Variants in HECW1 observed in about 807,000 individuals in gnomAD.
The protein encoded by HECW1 is HECT, C2 and WW domain containing E3 ubiquitin protein ligase 1, also known as E3 ubiquitin-protein ligase HECW1.
A neutral mutation model predicts 182.3 loss-of-function variants in HECW1; 61 were observed. The observed-to-expected ratio is 0.33, with a 90% CI of 0.27 to 0.41. HECW1 has a LOEUF of 0.41. Ranked by LOEUF, HECW1 falls within the 10% of genes least tolerant of loss-of-function variation. HECW1 has a pLI of 1.00. For missense variants in HECW1, 1,739 were observed against 2,108.9 expected (o/e 0.82, Z 3.44); for synonymous variants, 859 against 832.6 (o/e 1.03, Z -0.55).
chr7:43,405,187 G>A (rs911828334), intron 7 of HECW1, among the ~76,000 whole-genome samples: 3 of 152,128 alleles, frequency 2.0e-5, no homozygotes. Flanking sequence ...CCAGAATTTA[G>A]TAGATAACAA....
chr7:43,441,170 T>C (rs1318747986), intron 9 of HECW1, among the ~76,000 whole-genome samples: 1 of 152,224 alleles, frequency 6.6e-6, no homozygotes, highest in Non-Finnish European at 1.5e-5. Context: ...AATGAAAATA[T>C]AATAGCAAAG....
chr7:43,350,696 C>T (rs1473672714), intron 5 of HECW1, among the ~76,000 whole-genome samples: 1 of 152,150 alleles, frequency 6.6e-6, no homozygotes. Context: ...AAAAGTGTGT[C>T]CAAAGTTTCC....
chr7:43,233,495 G>C (rs1311674691), intron 2 of HECW1, among the ~76,000 whole-genome samples: 1 of 152,190 alleles, frequency 6.6e-6, no homozygotes, highest in Non-Finnish European at 1.5e-5. Context: ...TGGAAAAGGT[G>C]GTGGTGCAGT....
chr7:43,434,707 G>C (rs974631805), intron 8 of HECW1, among the ~76,000 whole-genome samples: 9 of 152,108 alleles, frequency 5.9e-5, no homozygotes, highest in African/African-American at 2.2e-4. Context: ...TGGGGAGAGA[G>C]GTTGATGTCT....
chr7:43,530,940 A>T lies in HECW1; in HGVS notation c.4020-10223A>T, dbSNP rs974073066. ...ACAAGCATGTCACTCCCCTGTTTAA[A>T]CCTGTCAATGGGTTCTCATCGTCTA... is the stretch of plus-strand genomic sequence containing the variant. On this transcript the variant is annotated intron_variant, in intron 24 of 29. Transcript: ENST00000395891. Among the ~76,000 whole-genome samples, 6 of 152,246 alleles carry T rather than the reference A, an allele frequency of 3.9e-5. No individual in the cohort carries two copies. The East Asian group carries it at 9.7e-4, about 24-fold the overall frequency.
At chr7:43,248,491 C>G (rs1045735140) in intron 3 of HECW1, 4 of 152,254 alleles carry the variant, frequency 2.6e-5, no homozygotes, top group African/African-American at 9.7e-5. Context: ...TAAACTTCCA[C>G]TAATCTCCGG....
chr7:43,457,054 T>C (rs1326267163), intron 13 of HECW1, among the ~76,000 whole-genome samples: 1 of 152,230 alleles, frequency 6.6e-6, no homozygotes, highest in Non-Finnish European at 1.5e-5. Context: ...TTTTTGAGAA[T>C]TATTTTGTTG....
At position 43,320,645 on chromosome 7, in the gene HECW1, G is replaced by C. The variant is rs1469946077; in HGVS notation, c.363G>C (p.Leu121Phe). ...WIGMYLIDEV[L>F]SENFLDYKNR... ...CCTCTGGGAATATAGATGAGGTCTT[G>C]TCCGAAAACTTTCTGGACTATAAAA... Residue 121 changes from leucine to phenylalanine, a missense_variant, in exon 5 of 30, where the codon TTG becomes TTC. Physicochemically the swap from Leu to Phe is conservative, Grantham distance 22 (BLOSUM62 0). Transcript: ENST00000395891. The C allele has an allele frequency of 6.2e-7, 1 of 1,612,910 alleles. No homozygotes were observed. Among genetic ancestry groups the C allele is most frequent in the Non-Finnish European group, 8.5e-7 (1 of 1,179,036 alleles).
chr7:43,520,741 C>T lies in HECW1; in HGVS notation c.4019+11620C>T, dbSNP rs560396430. On this transcript the variant is annotated intron_variant, in intron 24 of 29. Transcript: ENST00000395891. ...AACAGACGAAAGTGAAGCCTTGCCTCTGGCAAGGAGGGGTGCCTGGTTCAC... is the reference window on the plus strand; with the variant it reads ...AACAGACGAAAGTGAAGCCTTGCCTTTGGCAAGGAGGGGTGCCTGGTTCAC... 2.6e-5 allele frequency among the ~76,000 whole-genome samples: 4 copies of T among 152,156 alleles called. No individual in the cohort carries two copies. In the South Asian group the frequency reaches 8.3e-4, roughly 32 times the overall value.
rs542692210 is a variant in HECW1 at position 43,378,650 on chromosome 7, C to CA, written c.555+17676dup. Among the ~76,000 whole-genome samples the CA allele has an allele frequency of 5.3e-5, 8 of 151,994 alleles. No individual in the cohort carries two copies. The East Asian group carries it at 1.6e-3, about 29-fold the overall frequency. On this transcript the variant is annotated intron_variant, in intron 6 of 29. Transcript: ENST00000395891. ...TGAAACCCCATTTCTACTAAAAATA[C>CA]AAAAAATTAGCTGAGTGTGGTGGTG...
intron 2 of HECW1, among the ~76,000 whole-genome samples, chr7:43,197,679 G>T (rs990124332): frequency 3.3e-5 from 5 of 152,180 alleles, no homozygotes; most frequent in Non-Finnish European, 7.3e-5. Flanking sequence ...TGCCCACTGG[G>T]AGAGGAGCGG....
At chr7:43,220,331 A>C (rs1371515664) in intron 2 of HECW1, among the ~76,000 whole-genome samples, 1 of 152,150 alleles carries the variant, frequency 6.6e-6, no homozygotes, top group East Asian at 1.9e-4. Flanking sequence ...CCCAGCACAG[A>C]GTATTGCCAG....
In HECW1 at chr7:43,533,718, C is replaced by T. The variant is rs1160057211; in HGVS notation, c.4020-7445C>T. Among the ~76,000 whole-genome samples, 6 of 152,308 alleles carry T rather than the reference C, an allele frequency of 3.9e-5. No individual in the cohort carries two copies. In the East Asian group the frequency reaches 1.2e-3, roughly 29 times the overall value. On this transcript the variant is annotated intron_variant, in intron 24 of 29. Coordinates refer to ENST00000395891, the MANE Select transcript of HECW1 (RefSeq NM_015052.5). Reference sequence around the variant, plus strand: ...GTTCCTGCATCTGCCTCAGCCCCCACCTCCTCACCAAAGGCACAAGAGCCA... The same window carrying T: ...GTTCCTGCATCTGCCTCAGCCCCCATCTCCTCACCAAAGGCACAAGAGCCA...
intron 2 of HECW1, among the ~76,000 whole-genome samples, chr7:43,154,828 T>C (rs908460700): frequency 6.6e-6 from 1 of 152,222 alleles, no homozygotes; most frequent in Non-Finnish European, 1.5e-5. Context: ...GAAATAGGTA[T>C]AATTTTCTGG....
intron 5 of HECW1, among the ~76,000 whole-genome samples, chr7:43,355,945 C>T (rs1168170725): frequency 2.6e-5 from 4 of 152,030 alleles, no homozygotes; most frequent in East Asian, 1.9e-4. Context: ...GCCAAGATTG[C>T]GCCACTGCAT....
chr7:43,351,506 C>T (rs1245669776), intron 5 of HECW1, among the ~76,000 whole-genome samples: 1 of 152,024 alleles, frequency 6.6e-6, no homozygotes, highest in African/African-American at 2.4e-5. Context: ...CTAGACGTGT[C>T]TGAGCTCAGA....
chr7:43,375,105 C>G (rs747660799), intron 6 of HECW1, among the ~76,000 whole-genome samples: 3 of 152,034 alleles, frequency 2.0e-5, no homozygotes, highest in Non-Finnish European at 4.4e-5. Context: ...CTAAAATTTC[C>G]TTCAGTTTCT....
At chr7:43,379,618 G>A (rs891538331) in intron 6 of HECW1, among the ~76,000 whole-genome samples, 3 of 151,888 alleles carry the variant, frequency 2.0e-5, no homozygotes, top group East Asian at 1.9e-4. Context: ...TTCCAGCCTC[G>A]AGAGTCCTCT....
At chr7:43,189,644 T>C (rs148608740) in intron 2 of HECW1, among the ~76,000 whole-genome samples, 11 of 152,130 alleles carry the variant, frequency 7.2e-5, no homozygotes, top group African/African-American at 2.4e-4. Flanking sequence ...AATAAATACA[T>C]GGGGTTAAAA....
Sources: gnomAD v4.1 joint callset for allele counts (sites outside exome capture counted in the v4.1 genomes callset) on GRCh38, gnomAD v4.1.1 for gene constraint, MANE v1.5 for transcripts, NCBI Gene and HGNC (gene_info 2026-07-23, HGNC 2026-07-21) for gene names.